The following C4orf51 variants were observed in gnomAD, a reference collection of about 807,000 sequenced individuals.
C4orf51 encodes chromosome 4 open reading frame 51, also known as uncharacterized protein C4orf51.
C4orf51 carries 25 observed loss-of-function variants against 25.2 expected under a neutral mutation model. The observed-to-expected ratio is 0.99, with a 90% confidence interval of 0.72 to 1.39. The LOEUF (loss-of-function observed/expected upper bound fraction) is 1.39, where lower values mean the gene tolerates loss of function less well. Ranked by LOEUF, C4orf51 falls within the 40% of genes most tolerant of loss-of-function variation. The probability of loss-of-function intolerance (pLI) is 0.00; values close to 1 mark genes in which losing one functional copy is unlikely to be tolerated. For missense variants in C4orf51, 252 were observed against 239.6 expected (o/e 1.05, Z -0.34); for synonymous variants, 100 against 84.5 (o/e 1.18, Z -1.01).
chr4:145,683,206 A>T (rs541163889), intron 1 of C4orf51, among the ~76,000 whole-genome samples: 29 of 152,282 alleles, frequency 1.9e-4, no homozygotes, highest in African/African-American at 6.7e-4. Flanking sequence ...AATATGTACA[A>T]GGTCTATATA....
chr4:145,775,737 T>A, downstream of C4orf51: 1 of 1,605,750 alleles, frequency 6.2e-7, no homozygotes, highest in African/African-American at 1.3e-5. Flanking sequence ...TAGGAAGTGT[T>A]GAAGTCAAGA....
In C4orf51 at chr4:145,749,441, C is replaced by T. The variant is rs1733554064; in HGVS notation, n.168-4766C>T. ...TAGACAAGTGAGGATTTATTCCTGT[C>T]ATTTTGTTGTTTGTTTTCTGGTTGT... On this transcript the variant is annotated intron_variant and non_coding_transcript_variant, in intron 1 of 1. Coordinates refer to the C4orf51 transcript ENST00000508981. Among the ~76,000 whole-genome samples the T allele has an allele frequency of 2.6e-5, 4 of 151,688 alleles. No homozygotes were observed. The South Asian group carries it at 8.3e-4, about 32-fold the overall frequency.
the C4orf51 span, among the ~76,000 whole-genome samples, chr4:145,784,829 G>T: frequency 6.6e-6 from 1 of 151,916 alleles, no homozygotes; most frequent in Non-Finnish European, 1.5e-5. Context: ...ATTTCTTTTT[G>T]AAATACTTGT....
intron 1 of C4orf51, among the ~76,000 whole-genome samples, chr4:145,687,784 A>G (rs1173379364): frequency 6.6e-6 from 1 of 152,222 alleles, no homozygotes; most frequent in Non-Finnish European, 1.5e-5. Flanking sequence ...AAGCCACAGG[A>G]CAAATAGGGA....
downstream of C4orf51, among the ~76,000 whole-genome samples, chr4:145,771,352 T>C: frequency 6.6e-6 from 1 of 152,252 alleles, no homozygotes; most frequent in Non-Finnish European, 1.5e-5. Flanking sequence ...ATAAATATTC[T>C]ATTTTCTTCA....
At chr4:145,728,043 T>C (rs1325435037) in intron 3 of C4orf51, among the ~76,000 whole-genome samples, 1 of 126,902 alleles carries the variant, frequency 7.9e-6, no homozygotes, top group Non-Finnish European at 1.6e-5. Flanking sequence ...ATATAATATA[T>C]ATATACACAC....
intron 1 of C4orf51, among the ~76,000 whole-genome samples, chr4:145,682,957 A>G (rs1728923646): frequency 6.6e-6 from 1 of 152,176 alleles, no homozygotes; most frequent in African/African-American, 2.4e-5. Flanking sequence ...CTTTGTTTGC[A>G]GATGACATTA....
chr4:145,684,643 C>T (rs1578911610), intron 1 of C4orf51, among the ~76,000 whole-genome samples: 2 of 152,200 alleles, frequency 1.3e-5, no homozygotes, highest in African/African-American at 2.4e-5. Flanking sequence ...TCAGTTGTAA[C>T]AAATGTACCA....
chr4:145,724,107 T>C (rs907401222), intron 2 of C4orf51, among the ~76,000 whole-genome samples: 1 of 152,214 alleles, frequency 6.6e-6, no homozygotes, highest in Admixed American at 6.5e-5. Context: ...AAATTACTTT[T>C]TATAAAACTT....
intron 1 of C4orf51, among the ~76,000 whole-genome samples, chr4:145,687,578 G>A (rs1033923020): frequency 6.6e-6 from 1 of 152,158 alleles, no homozygotes; most frequent in African/African-American, 2.4e-5. Flanking sequence ...TGTTGCTTAG[G>A]GGGAACACAA....
chr4:145,778,278 C>T, the C4orf51 span, among the ~76,000 whole-genome samples: 10 of 152,120 alleles, frequency 6.6e-5, no homozygotes, highest in Non-Finnish European at 1.2e-4. Flanking sequence ...GGATTACAAG[C>T]GTGCACCACC....
chr4:145,764,500 T>C (rs1734986089), intron 1 of C4orf51, among the ~76,000 whole-genome samples: 1 of 152,196 alleles, frequency 6.6e-6, no homozygotes, highest in East Asian at 1.9e-4. Flanking sequence ...ATGAAGCACA[T>C]GATCGTTGCA....
intron 1 of C4orf51, among the ~76,000 whole-genome samples, chr4:145,738,429 G>A (rs1007367113): frequency 1.4e-5 from 2 of 147,214 alleles, no homozygotes; most frequent in African/African-American, 2.5e-5. Flanking sequence ...CAGCCTGGGC[G>A]ACAGAGCGAG....
At chr4:145,766,309 T>C (rs1413760497) in intron 1 of C4orf51, among the ~76,000 whole-genome samples, 2 of 152,210 alleles carry the variant, frequency 1.3e-5, no homozygotes, top group African/African-American at 2.4e-5. Context: ...CTTCTGCTTC[T>C]ACTCAAGAGA....
the C4orf51 span, among the ~76,000 whole-genome samples, chr4:145,790,263 C>T: frequency 6.6e-6 from 1 of 152,074 alleles, no homozygotes; most frequent in Non-Finnish European, 1.5e-5. Context: ...ATAAGAATTT[C>T]CTCTTTTCTC....
At position 145,696,678 on chromosome 4, in the gene C4orf51, G is replaced by A. The variant is rs528475752; in HGVS notation, c.307+46G>A. The A allele has an allele frequency of 1.4e-4, 199 of 1,410,086 alleles. 1 individual carries two copies. The South Asian group carries it at 2.4e-3, about 17-fold the overall frequency. The allele number at this position is 1,410,086 out of a possible 1,614,324, so 87.3% of individuals were successfully genotyped here. On this transcript the variant is annotated intron_variant, in intron 2 of 5. Coordinates refer to ENST00000438731, the MANE Select transcript of C4orf51 (RefSeq NM_001080531.3). The stretch of plus-strand genomic sequence containing the variant: ...TTCTGGGCCCAGCCCTTTTGCCAGG[G>A]TTGCTGTGTTTCTTTCAGGTTCTTT...
intron 5 of C4orf51, among the ~76,000 whole-genome samples, chr4:145,730,796 T>A (rs1466851662): frequency 6.6e-6 from 1 of 152,220 alleles, no homozygotes; most frequent in African/African-American, 2.4e-5. Context: ...CATTTCACTT[T>A]CACTTGGAAA....
chr4:145,691,098 G>A (rs1424473475), intron 1 of C4orf51, among the ~76,000 whole-genome samples: 2 of 152,036 alleles, frequency 1.3e-5, no homozygotes, highest in Non-Finnish European at 2.9e-5. Context: ...GGGTGACAGA[G>A]TGAGACCTTG....
chr4:145,772,764 C>A (rs1368076745), downstream of C4orf51, among the ~76,000 whole-genome samples: 1 of 152,214 alleles, frequency 6.6e-6, no homozygotes, highest in Non-Finnish European at 1.5e-5. Flanking sequence ...AAAGAAACTT[C>A]TTTAATGCAT....
Sources: gnomAD v4.1 joint callset for allele counts (sites outside exome capture counted in the v4.1 genomes callset) on GRCh38, gnomAD v4.1.1 for gene constraint, MANE v1.5 for transcripts, NCBI Gene and HGNC (gene_info 2026-07-23, HGNC 2026-07-21) for gene names.